Variants in MARCHF1 observed in about 807,000 individuals in gnomAD.
The protein encoded by MARCHF1 is membrane associated ring-CH-type finger 1.
MARCHF1 carries 40 observed loss-of-function variants against 54.2 expected under a neutral mutation model. That is an observed-to-expected ratio of 0.74 (90% CI 0.57 to 0.96). MARCHF1 has a LOEUF of 0.96. Ranked by LOEUF, MARCHF1 falls within the 40% of genes least tolerant of loss-of-function variation. The probability of loss-of-function intolerance (pLI) is 0.00; values close to 1 mark genes in which losing one functional copy is unlikely to be tolerated. For missense variants in MARCHF1, 586 were observed against 656.5 expected (o/e 0.89, Z 1.17); for synonymous variants, 236 against 236.3 (o/e 1.00, Z 0.01).
chr4:163,755,827 A>G (rs1481881088), intron 4 of MARCHF1, among the ~76,000 whole-genome samples: 4 of 152,220 alleles, frequency 2.6e-5, no homozygotes, highest in Admixed American at 2.6e-4. Context: ...ATCCCCTGGA[A>G]CATATAGACA....
chr4:164,045,324 C>T (rs946417519), intron 2 of MARCHF1, among the ~76,000 whole-genome samples: 1 of 151,416 alleles, frequency 6.6e-6, no homozygotes, highest in Non-Finnish European at 1.5e-5. Context: ...TCAGCCTGGC[C>T]AAAATGGTGA....
rs191178237 is a variant in MARCHF1 at position 164,376,095 on chromosome 4, T to A, written c.-323+7775A>T. On this transcript the variant is annotated intron_variant, in intron 1 of 9. Coordinates refer to ENST00000514618, the MANE Select transcript of MARCHF1 (RefSeq NM_001394959.1). ...CCAAAGAGGCAGGAATCATGCCACATCTTTCACTCATCATTACATTACCAG... is the reference window on the plus strand; with the variant it reads ...CCAAAGAGGCAGGAATCATGCCACAACTTTCACTCATCATTACATTACCAG... 1.1e-4 allele frequency among the ~76,000 whole-genome samples: 17 copies of A among 152,338 alleles called. No individual in the cohort carries two copies. The East Asian group carries it at 3.3e-3, about 29-fold the overall frequency.
chr4:164,278,729 G>T (rs1275518468), intron 1 of MARCHF1, among the ~76,000 whole-genome samples: 1 of 152,170 alleles, frequency 6.6e-6, no homozygotes, highest in Non-Finnish European at 1.5e-5. Context: ...TGACATATAT[G>T]ATAGGACCCA....
intron 7 of MARCHF1, among the ~76,000 whole-genome samples, chr4:163,586,557 A>T (rs1740420123): frequency 6.6e-6 from 1 of 152,222 alleles, no homozygotes; most frequent in Non-Finnish European, 1.5e-5. Flanking sequence ...GACTCAAATC[A>T]TGTAATAAGT....
At chr4:163,559,697 G>A (rs970321343) in intron 8 of MARCHF1, among the ~76,000 whole-genome samples, 15 of 152,110 alleles carry the variant, frequency 9.9e-5, no homozygotes, top group Non-Finnish European at 1.5e-4. Flanking sequence ...ACATCAGTGG[G>A]GCCCAAGAGG....
chr4:163,529,788 G>GAT (rs1738281511), intron 9 of MARCHF1: 2 of 151,962 alleles, frequency 1.3e-5, no homozygotes, highest in African/African-American at 4.8e-5. Flanking sequence ...GCATTTCAGT[G>GAT]ACTACAACAG....
At chr4:163,592,783 A>G (rs1185842863) in intron 7 of MARCHF1, among the ~76,000 whole-genome samples, 1 of 152,046 alleles carries the variant, frequency 6.6e-6, no homozygotes, top group African/African-American at 2.4e-5. Flanking sequence ...TTCTATTATC[A>G]TCTAGCCTAG....
At chr4:164,016,124 T>G (rs1753537493) in intron 2 of MARCHF1, among the ~76,000 whole-genome samples, 1 of 152,184 alleles carries the variant, frequency 6.6e-6, no homozygotes, top group East Asian at 1.9e-4. Flanking sequence ...GTTTTCAGAC[T>G]GCTATAAAGA....
At chr4:164,146,717 A>T (rs973816014) in intron 1 of MARCHF1, among the ~76,000 whole-genome samples, 36 of 152,086 alleles carry the variant, frequency 2.4e-4, no homozygotes, top group African/African-American at 8.7e-4. Flanking sequence ...AACTATAAAA[A>T]CCCTAGAAGA....
intron 4 of MARCHF1, among the ~76,000 whole-genome samples, chr4:163,815,233 A>T (rs1748501019): frequency 6.6e-6 from 1 of 152,210 alleles, no homozygotes. Context: ...AACTCCCTAA[A>T]ATCCTAGTGA....
At chr4:163,772,753 C>CACTTCTTTTA (rs1747196313) in intron 4 of MARCHF1, among the ~76,000 whole-genome samples, 1 of 20,796 alleles carries the variant, frequency 4.8e-5, no homozygotes, top group Admixed American at 6.7e-4. Flanking sequence ...CTAGGGCGTT[C>CACTTCTTTTA]AAATAACCCC....
chr4:164,204,495 A>G (rs531870581), intron 1 of MARCHF1, among the ~76,000 whole-genome samples: 1 of 152,316 alleles, frequency 6.6e-6, no homozygotes, highest in South Asian at 2.1e-4. Flanking sequence ...TGTGAGTCAC[A>G]TTTTACTGTA....
intron 1 of MARCHF1, among the ~76,000 whole-genome samples, chr4:164,320,621 C>G (rs1330848817): frequency 6.6e-6 from 1 of 152,134 alleles, no homozygotes; most frequent in African/African-American, 2.4e-5. Context: ...ATTATACTTA[C>G]AAGCAAACAC....
At chr4:163,710,068 T>C (rs1252048887) in intron 4 of MARCHF1, among the ~76,000 whole-genome samples, 2 of 152,126 alleles carry the variant, frequency 1.3e-5, no homozygotes, top group East Asian at 1.9e-4. Flanking sequence ...TCCCTAAATG[T>C]CAAATTTAAT....
intron 3 of MARCHF1, among the ~76,000 whole-genome samples, chr4:163,908,916 T>A (rs1224803659): frequency 1.3e-5 from 2 of 152,162 alleles, no homozygotes; most frequent in East Asian, 1.9e-4. Flanking sequence ...TCTGTCACAA[T>A]CGTATCTACT....
intron 5 of MARCHF1, among the ~76,000 whole-genome samples, chr4:163,653,543 G>A (rs929383599): frequency 6.6e-6 from 1 of 151,760 alleles, no homozygotes; most frequent in Non-Finnish European, 1.5e-5. Flanking sequence ...TGTGTGTAGG[G>A]TGATAGTGAT....
chr4:163,899,251 A>G (rs985596458), intron 3 of MARCHF1, among the ~76,000 whole-genome samples: 17 of 152,296 alleles, frequency 1.1e-4, no homozygotes, highest in Non-Finnish European at 1.9e-4. Context: ...TTCAATATCT[A>G]ACTCCCATTA....
chr4:163,572,829 G>A (rs940566329), intron 8 of MARCHF1, among the ~76,000 whole-genome samples: 1 of 152,088 alleles, frequency 6.6e-6, no homozygotes, highest in African/African-American at 2.4e-5. Context: ...CTCAGCATCT[G>A]TCTACCTCCT....
intron 3 of MARCHF1, among the ~76,000 whole-genome samples, chr4:163,978,693 T>C (rs908518096): frequency 6.6e-6 from 1 of 151,936 alleles, no homozygotes; most frequent in Non-Finnish European, 1.5e-5. Context: ...TTCCTGGGGA[T>C]TTTTTGTTGT....
Sources: gnomAD v4.1 joint callset for allele counts (sites outside exome capture counted in the v4.1 genomes callset) on GRCh38, gnomAD v4.1.1 for gene constraint, MANE v1.5 for transcripts, NCBI Gene and HGNC (gene_info 2026-07-23, HGNC 2026-07-21) for gene names.